Variants in PELI2 observed in about 807,000 individuals in gnomAD.
PELI2 encodes pellino E3 ubiquitin protein ligase family member 2, also known as E3 ubiquitin-protein ligase pellino homolog 2.
Under a neutral mutation model 42.3 loss-of-function variants are expected in PELI2, and 23 were observed. That is an observed-to-expected ratio of 0.54 (90% confidence interval 0.39 to 0.77). PELI2 has a LOEUF of 0.77. Among genes scored for constraint, PELI2 ranks in the 30% least tolerant of loss-of-function variants. The probability of loss-of-function intolerance (pLI) is 0.00; values close to 1 mark genes in which losing one functional copy is unlikely to be tolerated. For synonymous variants in PELI2, 245 were observed against 212.2 expected, an observed-to-expected ratio of 1.15 and a Z score of -1.34; for missense variants, 463 against 553.2, an observed-to-expected ratio of 0.84 and a Z score of 1.64.
chr14:56,199,173 T>A (rs1886243208), intron 2 of PELI2, among the ~76,000 whole-genome samples: 1 of 152,188 alleles, frequency 6.6e-6, no homozygotes, highest in African/African-American at 2.4e-5. Context: ...AGCCAAAAGT[T>A]TCTCTCTTGC....
intron 2 of PELI2, among the ~76,000 whole-genome samples, chr14:56,183,452 G>A (rs993439613): frequency 5.9e-5 from 9 of 152,026 alleles, no homozygotes; most frequent in Admixed American, 3.3e-4. Flanking sequence ...AAAAATTTAC[G>A]AAGTATCAAT....
intron 1 of PELI2, among the ~76,000 whole-genome samples, chr14:56,166,755 T>C (rs1182961850): frequency 6.6e-6 from 1 of 151,724 alleles, no homozygotes; most frequent in African/African-American, 2.4e-5. Context: ...TTCCATTGTA[T>C]GTGATTTGTT....
chr14:56,147,371 G>T lies in PELI2; in HGVS notation c.77+28634G>T, dbSNP rs531734685. Among the ~76,000 whole-genome samples, 158 of 152,246 alleles carry T rather than the reference G, an allele frequency of 1.0e-3. 2 individuals carry two copies. Among genetic ancestry groups the T allele is most frequent in the African/African-American group, 3.7e-3 (154 of 41,546 alleles). ...GCTGTACCATCTTACTGAGTTTATT[G>T]TATTACTGGCAACAAGCCATAGTGT... On this transcript the variant is annotated intron_variant, in intron 1 of 5. Transcript: ENST00000267460.
Position 56,290,437 on chromosome 14 carries a change from C to A in PELI2, c.677C>A (p.Ala226Asp), listed in dbSNP as rs2139897920. 1 of 1,602,638 alleles carries A rather than the reference C, an allele frequency of 6.2e-7. No homozygotes were observed. ...TACACCTTGCGAGAAACCAGGTCGG[C>A]CCAGCAACGAGGAAAGCTGGTGAGT... ...DVYTLRETRS[A>D]QQRGKLVESE... Residue 226 changes from alanine to aspartate, a missense_variant, in exon 5 of 6, where the codon GCC (alanine) becomes GAC (aspartate). Ala to Asp is a moderately radical substitution (Grantham distance 126). This residue lies in a region of PELI2 where 343 missense variants were observed against 378.4 expected (regional missense o/e 0.91). Transcript: ENST00000267460.
At chr14:56,212,779 G>T (rs1477760419) in intron 2 of PELI2, among the ~76,000 whole-genome samples, 2 of 152,152 alleles carry the variant, frequency 1.3e-5, no homozygotes, top group Non-Finnish European at 2.9e-5. Flanking sequence ...CCTGGAGGCT[G>T]GGCCAGGACA....
At chr14:56,247,120 A>G (rs145096748) in intron 2 of PELI2, among the ~76,000 whole-genome samples, 7 of 151,804 alleles carry the variant, frequency 4.6e-5, no homozygotes, top group East Asian at 3.9e-4. Context: ...GTACACAGCA[A>G]GTGCTCAAAT....
At chr14:56,254,885 A>G (rs1343925982) in intron 2 of PELI2, among the ~76,000 whole-genome samples, 2 of 152,246 alleles carry the variant, frequency 1.3e-5, no homozygotes, top group Non-Finnish European at 2.9e-5. Context: ...ATACGAAAAA[A>G]TTTCCATTAT....
At chr14:56,263,529 A>G (rs967967426) in intron 2 of PELI2, among the ~76,000 whole-genome samples, 5 of 152,218 alleles carry the variant, frequency 3.3e-5, no homozygotes, top group African/African-American at 1.2e-4. Context: ...CAATGTAGAA[A>G]TAATAGAATT....
intron 2 of PELI2, among the ~76,000 whole-genome samples, chr14:56,223,836 T>C (rs1887241701): frequency 1.3e-5 from 2 of 152,208 alleles, no homozygotes; most frequent in Non-Finnish European, 2.9e-5. Flanking sequence ...TTCATAAGAT[T>C]TGAATGCAGT....
chr14:56,269,814 G>T (rs12893420), intron 2 of PELI2, among the ~76,000 whole-genome samples: 1 of 152,044 alleles, frequency 6.6e-6, no homozygotes, highest in South Asian at 2.1e-4. Flanking sequence ...TCATCTAATT[G>T]GAAATGGTAG....
chr14:56,249,106 G>C (rs1888257045), intron 2 of PELI2, among the ~76,000 whole-genome samples: 1 of 152,152 alleles, frequency 6.6e-6, no homozygotes, highest in Non-Finnish European at 1.5e-5. Context: ...GTGATGCTCG[G>C]AAGTGTGTAT....
In PELI2 at chr14:56,224,587, A is replaced by G. The variant is rs546241586; in HGVS notation, c.207+46123A>G. On this transcript the variant is annotated intron_variant, in intron 2 of 5. Transcript: ENST00000267460. ...GTGTTATGTATCTTTCTCTCCTTTT[A>G]GAAACTGAGCTCACAGACAAGTTCT... 3.3e-5 allele frequency among the ~76,000 whole-genome samples: 5 copies of G among 152,356 alleles called. No homozygotes were observed. In the South Asian group the frequency reaches 1.0e-3, roughly 32 times the overall value.
chr14:56,270,037 G>A (rs76927273), intron 2 of PELI2, among the ~76,000 whole-genome samples: 42 of 152,294 alleles, frequency 2.8e-4, no homozygotes, highest in African/African-American at 9.9e-4. Context: ...TCTGGTGTCT[G>A]TGCTTGCTGA....
intron 2 of PELI2, among the ~76,000 whole-genome samples, chr14:56,278,628 C>A (rs1234159381): frequency 6.6e-6 from 1 of 152,142 alleles, no homozygotes; most frequent in East Asian, 1.9e-4. Context: ...ATTAACCAGG[C>A]TAACTAACTT....
At chr14:56,204,579 C>T (rs1329600435) in intron 2 of PELI2, among the ~76,000 whole-genome samples, 1 of 151,976 alleles carries the variant, frequency 6.6e-6, no homozygotes, top group African/African-American at 2.4e-5. Flanking sequence ...ATTCAGAAGG[C>T]TTAAAATGTA....
At chr14:56,141,562 G>T (rs567502644) in intron 1 of PELI2, among the ~76,000 whole-genome samples, 1 of 152,286 alleles carries the variant, frequency 6.6e-6, no homozygotes, top group Admixed American at 6.5e-5. Context: ...AAAGAAAAGA[G>T]GTTTAATTGA....
At chr14:56,236,659 A>G (rs1887806891) in intron 2 of PELI2, among the ~76,000 whole-genome samples, 1 of 152,154 alleles carries the variant, frequency 6.6e-6, no homozygotes. Flanking sequence ...TCTCTGAGAC[A>G]GGAGTTAAGG....
At chr14:56,119,744 C>G (rs562864130) in intron 1 of PELI2, 1 of 974,946 alleles carries the variant, frequency 1.0e-6, no homozygotes, top group East Asian at 1.1e-4. Context: ...GAAGGAACAA[C>G]TTGGGTTTAG....
At chr14:56,217,850 C>T (rs1405669155) in intron 2 of PELI2, among the ~76,000 whole-genome samples, 1 of 152,072 alleles carries the variant, frequency 6.6e-6, no homozygotes, top group East Asian at 1.9e-4. Context: ...TTATACTCAC[C>T]AGCTCGCAGA....
Sources: allele counts gnomAD v4.1 joint callset (sites outside exome capture counted in the v4.1 genomes callset), GRCh38; gene constraint gnomAD v4.1.1; regional missense constraint gnomAD v4.1.1; transcripts MANE v1.5; gene names NCBI Gene and HGNC (gene_info 2026-07-23, HGNC 2026-07-21).